The following LMBR1 variants were observed in gnomAD, a reference collection of about 807,000 sequenced individuals.
LMBR1 encodes limb region 1 protein homolog.
LMBR1 carries 52 observed loss-of-function variants against 73.9 expected under a neutral mutation model. The ratio of observed to expected loss-of-function variants is 0.70; its 90% confidence interval spans 0.56 to 0.89. The LOEUF is 0.89. Among genes scored for constraint, LMBR1 ranks in the 40% least tolerant of loss-of-function variants. LMBR1 has a pLI of 0.00. For synonymous variants in LMBR1, 215 were observed against 209.4 expected (o/e 1.03, Z -0.23); for missense variants, 539 against 579.8 (o/e 0.93, Z 0.72).
intron 4 of LMBR1, among the ~76,000 whole-genome samples, chr7:156,802,181 C>G (rs2133455522): frequency 6.6e-6 from 1 of 152,320 alleles, no homozygotes; most frequent in East Asian, 1.9e-4. Flanking sequence ...CGGAGTTTCA[C>G]CATGTTGGCT....
intron 1 of LMBR1, among the ~76,000 whole-genome samples, chr7:156,842,323 G>GC (rs1303158068): frequency 6.6e-6 from 1 of 150,540 alleles, no homozygotes; most frequent in Non-Finnish European, 1.5e-5. Flanking sequence ...ATTTTGTGGG[G>GC]CGGGGGGAGA....
intron 1 of LMBR1, among the ~76,000 whole-genome samples, chr7:156,852,545 T>G (rs1796376847): frequency 6.6e-6 from 1 of 152,234 alleles, no homozygotes. Context: ...TAGAGATCTA[T>G]CTATGATTCT....
chr7:156,872,383 C>G (rs1050472686), intron 1 of LMBR1, among the ~76,000 whole-genome samples: 2 of 152,166 alleles, frequency 1.3e-5, no homozygotes, highest in African/African-American at 4.8e-5. Flanking sequence ...CATGGTAGCT[C>G]ATGCCTGTAA....
chr7:156,826,533 A>C, intron 4 of LMBR1, 72 bp downstream of exon 4: 1 of 1,062,012 alleles, frequency 9.4e-7, no homozygotes, highest in Non-Finnish European at 1.2e-6. Context: ...CTGAGAAAAG[A>C]AAAATCTAAA....
intron 5 of LMBR1, among the ~76,000 whole-genome samples, chr7:156,791,732 AT>A (rs1829266596): frequency 6.6e-6 from 1 of 152,236 alleles, no homozygotes; most frequent in Non-Finnish European, 1.5e-5. Flanking sequence ...GTTTGAAGTT[AT>A]AGGAGTTAAC....
chr7:156,859,058 A>C (rs905687861), intron 1 of LMBR1, among the ~76,000 whole-genome samples: 1 of 152,150 alleles, frequency 6.6e-6, no homozygotes, highest in Non-Finnish European at 1.5e-5. Context: ...GTTTGAGACC[A>C]GCCTGATCAA....
At chr7:156,725,992 T>C (rs1815675158) in intron 12 of LMBR1, 155 bp from the exon 13 acceptor site, 1 of 501,012 alleles carries the variant, frequency 2.0e-6, no homozygotes, top group African/African-American at 2.0e-5. Flanking sequence ...GACATGACAT[T>C]AGACTGATTT....
At position 156,683,441 on chromosome 7, in the gene LMBR1, C is replaced by A. The variant is rs1805393068; in HGVS notation, c.*637G>T. 6.6e-6 allele frequency: 1 copy of A among 152,614 alleles called. No homozygotes were observed. Among genetic ancestry groups the A allele is most frequent in the South Asian group, 2.1e-4 (1 of 4,832 alleles). 9.5% of individuals were successfully genotyped at this position (152,614 alleles called of 1,614,324 possible). On this transcript the variant is annotated 3_prime_UTR_variant, in exon 17 of 17. Coordinates refer to ENST00000353442, the MANE Select transcript of LMBR1 (RefSeq NM_022458.4). ...AAGATATTCCTGTGGCTCTCTAAGG[C>A]TCCAGGTTTAAAAGAATTTAGTATT...
At chr7:156,782,234 T>A (rs1827270320) in intron 5 of LMBR1, among the ~76,000 whole-genome samples, 1 of 152,242 alleles carries the variant, frequency 6.6e-6, no homozygotes, top group Admixed American at 6.5e-5. Flanking sequence ...ACAGTTGGAT[T>A]GCTTCCACCA....
chr7:156,728,476 AT>A (rs1356704585), intron 11 of LMBR1, among the ~76,000 whole-genome samples, 167 bp downstream of exon 11: 3 of 152,126 alleles, frequency 2.0e-5, no homozygotes, highest in African/African-American at 7.2e-5. Flanking sequence ...ATTAATTTCC[AT>A]TTTTGCTTTA....
chr7:156,688,184 A>G lies in LMBR1; in HGVS notation c.1233T>C (p.Thr411=), dbSNP rs376730383. 2.0e-4 allele frequency: 314 copies of G among 1,590,138 alleles called. No individual in the cohort carries two copies. Among genetic ancestry groups the G allele is most frequent in the Non-Finnish European group, 2.6e-4 (300 of 1,170,858 alleles). The part of the protein sequence containing the change: ...LPVMSRTLGI[T]RFDLLGDFGR... ...CAAAGTCGCCAAGTAGATCAAATCT[A>G]GTGATTCCTGTTAAAAATAAATAAA... is the stretch of plus-strand genomic sequence containing the variant. Residue 411 remains threonine (T), a synonymous_variant, in exon 16 of 17, where the codon ACT becomes ACC. Coordinates refer to ENST00000353442, the MANE Select transcript of LMBR1 (RefSeq NM_022458.4).
intron 1 of LMBR1, among the ~76,000 whole-genome samples, chr7:156,886,382 A>G (rs1484829402): frequency 6.6e-6 from 1 of 152,236 alleles, no homozygotes; most frequent in Admixed American, 6.5e-5. Flanking sequence ...TGCAGGCTGA[A>G]TAAACATGTA....
chr7:156,795,484 A>C (rs1219182581), intron 5 of LMBR1, among the ~76,000 whole-genome samples: 1 of 151,072 alleles, frequency 6.6e-6, no homozygotes, highest in East Asian at 1.9e-4. Context: ...ATGAATGAAT[A>C]TCCATCAAAA....
chr7:156,848,950 A>C (rs552356209), intron 1 of LMBR1, among the ~76,000 whole-genome samples: 2 of 151,078 alleles, frequency 1.3e-5, no homozygotes, highest in South Asian at 4.2e-4. Context: ...AAAAAAAGCA[A>C]AACAAAACAA....
intron 1 of LMBR1, among the ~76,000 whole-genome samples, chr7:156,854,117 T>G (rs781233984): frequency 6.6e-6 from 1 of 152,110 alleles, no homozygotes; most frequent in Non-Finnish European, 1.5e-5. Flanking sequence ...ATCTTTCCCA[T>G]CCTCGTAACA....
At chr7:156,777,245 T>C (rs1284389049) in intron 5 of LMBR1, among the ~76,000 whole-genome samples, 1 of 152,162 alleles carries the variant, frequency 6.6e-6, no homozygotes, top group East Asian at 1.9e-4. Flanking sequence ...TTTCACAACA[T>C]TTTTTAAAAT....
chr7:156,754,345 A>G (rs1585572420), intron 9 of LMBR1, among the ~76,000 whole-genome samples: 1 of 151,984 alleles, frequency 6.6e-6, no homozygotes, highest in Non-Finnish European at 1.5e-5. Flanking sequence ...TACCACAATA[A>G]CTCAACGTTA....
intron 1 of LMBR1, among the ~76,000 whole-genome samples, chr7:156,869,715 T>C (rs993058978): frequency 6.6e-6 from 1 of 152,114 alleles, no homozygotes; most frequent in African/African-American, 2.4e-5. Context: ...CTGAATAGAT[T>C]TAAAAACAAA....
At chr7:156,709,372 C>T (rs2132162437) in intron 15 of LMBR1, among the ~76,000 whole-genome samples, 1 of 152,342 alleles carries the variant, frequency 6.6e-6, no homozygotes, top group Middle Eastern at 3.4e-3. Flanking sequence ...GTCCACATGA[C>T]ACTTTCACTC....
Sources: gnomAD v4.1 joint callset for allele counts (sites outside exome capture counted in the v4.1 genomes callset) on GRCh38, gnomAD v4.1.1 for gene constraint, MANE v1.5 for transcripts, NCBI Gene and HGNC (gene_info 2026-07-23, HGNC 2026-07-21) for gene names.